SCHIP1: variants seen among roughly 807,000 people sequenced by gnomAD.
SCHIP1 encodes schwannomin-interacting protein 1.
A neutral mutation model predicts 29.7 loss-of-function variants in SCHIP1; 8 were observed. The observed-to-expected ratio is 0.27, with a 90% CI of 0.16 to 0.49. The LOEUF (loss-of-function observed/expected upper bound fraction) is 0.49. Among genes scored for constraint, SCHIP1 ranks in the 20% least tolerant of loss-of-function variants. The probability of loss-of-function intolerance (pLI) is 0.99; values close to 1 mark genes in which losing one functional copy is unlikely to be tolerated. For missense variants in SCHIP1, 193 were observed against 294.6 expected (o/e 0.66, Z 2.52); for synonymous variants, 76 against 94.9 (o/e 0.80, Z 1.16).
At chr3:159,615,559 T>C in the SCHIP1 span, among the ~76,000 whole-genome samples, 2 of 152,208 alleles carry the variant, frequency 1.3e-5, no homozygotes, top group Admixed American at 1.3e-4. Flanking sequence ...CACCTTGGAC[T>C]GAGAAGTCCC....
At chr3:159,698,821 T>C in the SCHIP1 span, among the ~76,000 whole-genome samples, 1 of 151,904 alleles carries the variant, frequency 6.6e-6, no homozygotes, top group Non-Finnish European at 1.5e-5. Flanking sequence ...AATTTTTGTG[T>C]TTTTGGTAGA....
At chr3:159,505,963 A>C in the SCHIP1 span, among the ~76,000 whole-genome samples, 2 of 152,234 alleles carry the variant, frequency 1.3e-5, no homozygotes, top group South Asian at 4.1e-4. Context: ...AGTATGATTT[A>C]TAATCCTTTG....
intron 1 of SCHIP1, among the ~76,000 whole-genome samples, chr3:159,849,958 T>C (rs1712362086): frequency 6.6e-6 from 1 of 152,200 alleles, no homozygotes; most frequent in Non-Finnish European, 1.5e-5. Context: ...CTACATGCTA[T>C]GGGGTAAACA....
At chr3:159,885,069 A>G (rs1160771464) in intron 2 of SCHIP1, among the ~76,000 whole-genome samples, 3 of 152,204 alleles carry the variant, frequency 2.0e-5, no homozygotes, top group Non-Finnish European at 4.4e-5. Context: ...GTTGTTTTCA[A>G]TAAAAGAATC....
At chr3:159,814,679 G>A in the SCHIP1 span, among the ~76,000 whole-genome samples, 2 of 152,222 alleles carry the variant, frequency 1.3e-5, no homozygotes, top group East Asian at 1.9e-4. Context: ...AAGTGGGTGT[G>A]TAGCCCAGGT....
chr3:159,540,587 C>G, the SCHIP1 span, among the ~76,000 whole-genome samples: 1 of 152,042 alleles, frequency 6.6e-6, no homozygotes, highest in African/African-American at 2.4e-5. Flanking sequence ...CACCACGGCA[C>G]CTTTTGGCCT....
chr3:159,552,585 T>G, the SCHIP1 span, among the ~76,000 whole-genome samples: 1 of 152,236 alleles, frequency 6.6e-6, no homozygotes, highest in Non-Finnish European at 1.5e-5. Flanking sequence ...TCTAGAAACA[T>G]TCTTTACATA....
chr3:159,826,357 G>GA, the SCHIP1 span, among the ~76,000 whole-genome samples: 28 of 152,276 alleles, frequency 1.8e-4, no homozygotes, highest in African/African-American at 6.7e-4. Flanking sequence ...TTCTGCTGCA[G>GA]AAATCCCGTC....
chr3:159,526,913 G>A, the SCHIP1 span, among the ~76,000 whole-genome samples: 306 of 152,236 alleles, frequency 2.0e-3, no homozygotes, highest in African/African-American at 2.4e-3. Context: ...ATACTGTCCC[G>A]CCTAGTGTTT....
chr3:159,645,755 G>C, the SCHIP1 span, among the ~76,000 whole-genome samples: 2 of 152,080 alleles, frequency 1.3e-5, no homozygotes, highest in Non-Finnish European at 2.9e-5. Flanking sequence ...TGAGCAAAAA[G>C]AAATAGGACT....
chr3:159,694,802 T>G, the SCHIP1 span, among the ~76,000 whole-genome samples: 4 of 152,164 alleles, frequency 2.6e-5, no homozygotes, highest in Non-Finnish European at 4.4e-5. Context: ...AAACTACATA[T>G]CTGGGGTTCC....
the SCHIP1 span, among the ~76,000 whole-genome samples, chr3:159,827,253 T>C: frequency 4.1e-3 from 630 of 152,322 alleles, 7 homozygotes; most frequent in African/African-American, 0.015. Context: ...CTAGAAAAGC[T>C]GGTCAGAGAA....
At chr3:159,703,454 A>G in the SCHIP1 span, among the ~76,000 whole-genome samples, 1 of 152,180 alleles carries the variant, frequency 6.6e-6, no homozygotes, top group Admixed American at 6.5e-5. Flanking sequence ...TAGCTGATAT[A>G]CCATAGAGAT....
the SCHIP1 span, chr3:159,401,320 CTCTA>C: frequency 8.5e-6 from 8 of 939,390 alleles, no homozygotes; most frequent in African/African-American, 1.4e-4. Context: ...AATATACAAA[CTCTA>C]TCTTTGAGGC....
the SCHIP1 span, among the ~76,000 whole-genome samples, chr3:159,546,816 T>C: frequency 6.6e-6 from 1 of 152,242 alleles, no homozygotes; most frequent in Non-Finnish European, 1.5e-5. Flanking sequence ...TTATCCAGTC[T>C]ATCATTGATG....
the SCHIP1 span, among the ~76,000 whole-genome samples, chr3:159,617,995 A>C: frequency 6.6e-6 from 1 of 152,188 alleles, no homozygotes; most frequent in Admixed American, 6.5e-5. Flanking sequence ...GACATGTGAA[A>C]AACAGAAAAA....
chr3:159,635,352 G>A, the SCHIP1 span, among the ~76,000 whole-genome samples: 1,407 of 152,264 alleles, frequency 9.2e-3, 21 homozygotes, highest in African/African-American at 0.032. Flanking sequence ...TCTAGTCAGG[G>A]ACTCGAGGGG....
the SCHIP1 span, among the ~76,000 whole-genome samples, chr3:159,344,276 G>A: frequency 2.7e-4 from 40 of 150,142 alleles, no homozygotes; most frequent in East Asian, 2.0e-3. Flanking sequence ...AGCCGAGATC[G>A]TGATATTGCA....
the SCHIP1 span, among the ~76,000 whole-genome samples, chr3:159,575,857 C>T: frequency 6.6e-6 from 1 of 152,250 alleles, no homozygotes; most frequent in South Asian, 2.1e-4. Flanking sequence ...TATTTTTCCA[C>T]TATTTTTCCC....
Sources: gnomAD v4.1 joint callset for allele counts (sites outside exome capture counted in the v4.1 genomes callset) on GRCh38, gnomAD v4.1.1 for gene constraint, MANE v1.5 for transcripts, NCBI Gene and HGNC (gene_info 2026-07-23, HGNC 2026-07-21) for gene names.